Variants in HKDC1 observed in about 807,000 individuals in gnomAD.
The protein encoded by HKDC1 is hexokinase domain containing 1.
A neutral mutation model predicts 96.6 loss-of-function variants in HKDC1; 66 were observed. The ratio of observed to expected loss-of-function variants is 0.68; its 90% CI spans 0.56 to 0.84. HKDC1 has a LOEUF of 0.84. HKDC1 is among the 40% of genes least tolerant of loss of function. HKDC1 has a pLI of 0.00. For synonymous variants in HKDC1, 466 were observed against 473.1 expected, an observed-to-expected ratio of 0.98 and a Z score of 0.20; for missense variants, 1,211 against 1,208.1, an observed-to-expected ratio of 1.00 and a Z score of -0.04.
chr10:69,262,041 G>A, intron 16 of HKDC1: 1 of 418,636 alleles, frequency 2.4e-6, no homozygotes, highest in South Asian at 1.7e-5. Flanking sequence ...TTGTCTGTCT[G>A]TCTCTCTTTC....
intron 16 of HKDC1, among the ~76,000 whole-genome samples, chr10:69,264,642 C>T (rs140425175): frequency 4.1e-4 from 62 of 152,302 alleles, no homozygotes; most frequent in African/African-American, 1.4e-3. Flanking sequence ...GCTGGGATTA[C>T]AGGTGTAAGC....
In HKDC1 at chr10:69,266,871, G is replaced by C; in HGVS notation, c.*114G>C. On this transcript the variant is annotated 3_prime_UTR_variant, in exon 18 of 18. Transcript: ENST00000354624. ...CCTGGCTGACCTCACCTTCTGGATGGCCGAAAGAGAACCCCAGGTTCTCGG... is the reference window on the plus strand; with the variant it reads ...CCTGGCTGACCTCACCTTCTGGATGCCCGAAAGAGAACCCCAGGTTCTCGG... 2 of 1,069,126 alleles carry C rather than the reference G, an allele frequency of 1.9e-6. No homozygotes were observed. Among genetic ancestry groups the C allele is most frequent in the Non-Finnish European group, 2.7e-6 (2 of 741,266 alleles). The allele number at this position is 1,069,126 out of a possible 1,614,324, so 66.2% of individuals were successfully genotyped here. A position where few individuals can be genotyped will look rare whatever the true frequency, so the allele number is the denominator to read the frequency against.
chr10:69,265,189 C>T (rs905300935), intron 16 of HKDC1, among the ~76,000 whole-genome samples: 6 of 152,182 alleles, frequency 3.9e-5, no homozygotes, highest in Admixed American at 2.0e-4. Flanking sequence ...TGGGAAAGTG[C>T]GAGAGGTGGT....
intron 16 of HKDC1, 66 bp from the exon 17 acceptor site, chr10:69,265,519 G>T: frequency 7.3e-7 from 1 of 1,374,066 alleles, no homozygotes; most frequent in East Asian, 2.3e-5. Context: ...GGAGGCTGTG[G>T]GTCACACTGG....
At chr10:69,227,392 AG>A in intron 2 of HKDC1, 23 bp downstream of exon 2, 1 of 1,613,806 alleles carries the variant, frequency 6.2e-7, no homozygotes, top group East Asian at 2.2e-5. Flanking sequence ...GTCCGCTGCC[AG>A]GGTCCCTGGC....
Position 69,243,210 on chromosome 10 carries a change from G to C in HKDC1, c.720G>C (p.Glu240Asp). ...IGTGTNACYM[E>D]DMSNIDLVEG... ...CTGGCACCAATGCGTGTTACATGGAGGACATGAGCAACATTGACCTGGTGG... is the reference window on the plus strand; with the variant it reads ...CTGGCACCAATGCGTGTTACATGGACGACATGAGCAACATTGACCTGGTGG... The change falls in exon 7 of 18, where the codon GAG (glutamate) becomes GAC (aspartate). Residue 240 changes from glutamate (E) to aspartate (D), a missense_variant. Coordinates refer to ENST00000354624, the MANE Select transcript of HKDC1 (RefSeq NM_025130.4). 1 of 1,614,230 alleles carries C rather than the reference G, an allele frequency of 6.2e-7. No homozygotes were observed. Among genetic ancestry groups the C allele is most frequent in the Non-Finnish European group, 8.5e-7 (1 of 1,180,032 alleles).
In HKDC1 at chr10:69,261,307, C is replaced by G; in HGVS notation, c.2372+13C>G. On this transcript the variant is annotated intron_variant, in intron 16 of 17. Transcript: ENST00000354624. ...CCCAGATCGAAAGGTGACCTGTGAT[C>G]AAGTTCATCATGAGGCTCTGACTGG... The G allele has an allele frequency of 1.2e-6, 2 of 1,612,162 alleles. No individual in the cohort carries two copies. Among genetic ancestry groups the G allele is most frequent in the Non-Finnish European group, 1.7e-6 (2 of 1,178,376 alleles).
chr10:69,254,010 A>C (rs1843682845), intron 12 of HKDC1, among the ~76,000 whole-genome samples: 1 of 152,208 alleles, frequency 6.6e-6, no homozygotes, highest in Non-Finnish European at 1.5e-5. Context: ...AGATGCACTA[A>C]GATTTTGTCC....
intron 14 of HKDC1, among the ~76,000 whole-genome samples, chr10:69,258,246 G>T (rs145075471): frequency 6.6e-6 from 1 of 152,172 alleles, no homozygotes; most frequent in African/African-American, 2.4e-5. Context: ...AGATCTAGGA[G>T]AGCAAAGAGG....
chr10:69,240,677 T>C lies in HKDC1; in HGVS notation c.617T>C (p.Leu206Pro). 1 of 1,614,084 alleles carries C rather than the reference T, an allele frequency of 6.2e-7. No homozygotes were observed. Among genetic ancestry groups the C allele is most frequent in the South Asian group, 1.1e-5 (1 of 91,078 alleles). The change falls in exon 6 of 18, where the codon CTG (leucine) becomes CCG (proline). Residue 206 changes from leucine (L) to proline (P), a missense_variant. Physicochemically the swap from Leu to Pro is moderately conservative, Grantham distance 98 (BLOSUM62 -3). Coordinates refer to ENST00000354624, the MANE Select transcript of HKDC1 (RefSeq NM_025130.4). ...GACATGGACGTGGACATCCTGGCCC[T>C]GGTCAATGACACCGTGGGGACCATG... The part of the protein sequence containing the change: ...HKDMDVDILA[L>P]VNDTVGTMMT...
In HKDC1 at chr10:69,257,081, GA is replaced by G; in HGVS notation, c.1884del (p.Glu630ArgfsTer25). ...WTKGFKATDC[E>X]GEDVVDMLRE... ...CAAAGGTTTCAAGGCCACTGACTGT[GA>G]AGGGGAGGACGTGGTGGACATGCTC... is the stretch of plus-strand genomic sequence containing the variant. On this transcript the variant is annotated frameshift_variant, in exon 13 of 18. Coordinates refer to ENST00000354624, the MANE Select transcript of HKDC1 (RefSeq NM_025130.4). LOFTEE classifies it high-confidence loss of function. 6.2e-7 allele frequency: 1 copy of G among 1,614,156 alleles called. No homozygotes were observed. The highest frequency in any genetic ancestry group is 8.5e-7 in the Non-Finnish European group (1 of 1,180,028).
chr10:69,243,229 C>A lies in HKDC1; in HGVS notation c.739C>A (p.Leu247Met), dbSNP rs750665250. 1 of 1,614,200 alleles carries A rather than the reference C, an allele frequency of 6.2e-7. No individual in the cohort carries two copies. The highest frequency in any genetic ancestry group is 1.1e-5 in the South Asian group (1 of 91,086). ...CYMEDMSNID[L>M]VEGDEGRMCI... Reference sequence around the variant, plus strand: ...CATGGAGGACATGAGCAACATTGACCTGGTGGAGGGCGACGAGGGCAGGAT... The same window carrying A: ...CATGGAGGACATGAGCAACATTGACATGGTGGAGGGCGACGAGGGCAGGAT... The change falls in exon 7 of 18, where the codon CTG (leucine) becomes ATG (methionine). Residue 247 changes from leucine to methionine, a missense_variant. Coordinates refer to ENST00000354624, the MANE Select transcript of HKDC1 (RefSeq NM_025130.4).
chr10:69,242,406 A>G (rs1843467600), intron 6 of HKDC1, among the ~76,000 whole-genome samples: 2 of 135,110 alleles, frequency 1.5e-5, no homozygotes, highest in Admixed American at 1.7e-4. Flanking sequence ...ATACCAGAGT[A>G]TCAGCCAAGG....
Position 69,267,512 on chromosome 10 carries a change from A to T in HKDC1, c.*755A>T, listed in dbSNP as rs1245714590. 1.1e-5 allele frequency: 5 copies of T among 452,036 alleles called. No individual in the cohort carries two copies. Among genetic ancestry groups the T allele is most frequent in the Non-Finnish European group, 2.2e-5 (5 of 226,006 alleles). 28.0% of individuals were successfully genotyped at this position (452,036 alleles called of 1,614,324 possible). A position where few individuals can be genotyped will look rare whatever the true frequency, so the allele number is the denominator to read the frequency against. On this transcript the variant is annotated 3_prime_UTR_variant, in exon 18 of 18. Transcript: ENST00000354624. ...GTTTTAAGGATTGTTAGGTATAGGA[A>T]ATCCAGTAAATTAATAAAAAAATTT...
intron 4 of HKDC1, among the ~76,000 whole-genome samples, chr10:69,237,127 C>T (rs1315228999): frequency 2.0e-5 from 3 of 152,032 alleles, no homozygotes; most frequent in Non-Finnish European, 4.4e-5. Flanking sequence ...CTTTGAGAAA[C>T]TGAAAATGAT....
In HKDC1 at chr10:69,240,720, C is replaced by T. The variant is rs756481700; in HGVS notation, c.660C>T (p.Asp220=). The part of the protein sequence containing the change: ...TVGTMMTCAY[D]DPYCEVGVII... The stretch of plus-strand genomic sequence containing the variant: ...GGACCATGATGACCTGTGCCTATGA[C>T]GACCCCTACTGCGAAGTTGGTGTCA... Residue 220 remains aspartate (D), a synonymous_variant, in exon 6 of 18, where the codon GAC becomes GAT. Transcript: ENST00000354624. 9.9e-6 allele frequency: 16 copies of T among 1,613,858 alleles called. No individual in the cohort carries two copies. The highest frequency in any genetic ancestry group is 2.7e-5 in the African/African-American group (2 of 74,904).
chr10:69,227,093 A>T, intron 1 of HKDC1, 114 bp from the exon 2 acceptor site: 1 of 1,192,512 alleles, frequency 8.4e-7, no homozygotes, highest in Non-Finnish European at 1.2e-6. Flanking sequence ...TCCACATCTC[A>T]ATGCTGTCCC....
chr10:69,221,080 G>T (rs1405554785), intron 1 of HKDC1, among the ~76,000 whole-genome samples: 1 of 152,116 alleles, frequency 6.6e-6, no homozygotes, highest in Non-Finnish European at 1.5e-5. Flanking sequence ...AACCCAGGTG[G>T]TGGAGGTTGC....
At chr10:69,231,437 T>G (rs10082355) in intron 2 of HKDC1, among the ~76,000 whole-genome samples, 1 of 151,500 alleles carries the variant, frequency 6.6e-6, no homozygotes. Flanking sequence ...ACACTCACTC[T>G]TAGCGGATGC....
Sources: gnomAD v4.1 joint callset for allele counts (sites outside exome capture counted in the v4.1 genomes callset) on GRCh38, gnomAD v4.1.1 for gene constraint, MANE v1.5 for transcripts, NCBI Gene and HGNC (gene_info 2026-07-23, HGNC 2026-07-21) for gene names.